The following USP7 variants were observed in gnomAD, a reference collection of about 807,000 sequenced individuals.
USP7 encodes the protein ubiquitin specific peptidase 7.
A neutral mutation model predicts 162.9 loss-of-function variants in USP7; 9 were observed. That is an observed-to-expected ratio of 0.06 (90% CI 0.03 to 0.10). The LOEUF (loss-of-function observed/expected upper bound fraction) is 0.10. Ranked by LOEUF, USP7 falls within the 10% of genes least tolerant of loss-of-function variation. The probability of loss-of-function intolerance (pLI) is 1.00; values close to 1 mark genes in which losing one functional copy is unlikely to be tolerated. For missense variants in USP7, 715 were observed against 1,373.7 expected (o/e 0.52, Z 7.58); for synonymous variants, 562 against 475.9 (o/e 1.18, Z -2.35).
intron 11 of USP7, 92 bp from the exon 12 acceptor site, chr16:8,908,542 G>T: frequency 9.4e-7 from 1 of 1,065,624 alleles, no homozygotes; most frequent in South Asian, 1.5e-5. Context: ...ATTGGAACAT[G>T]TCTGGAGACT....
intron 2 of USP7, among the ~76,000 whole-genome samples, chr16:8,923,771 C>T (rs1470486247): frequency 6.6e-6 from 1 of 152,176 alleles, no homozygotes; most frequent in Non-Finnish European, 1.5e-5. Context: ...TGGCTCATAT[C>T]TGTTCAAGGA....
At chr16:8,915,568 T>TAGTA (rs2062015113) in intron 8 of USP7, 43 bp from the exon 9 acceptor site, 1 of 1,509,076 alleles carries the variant, frequency 6.6e-7, no homozygotes, top group African/African-American at 1.4e-5. Context: ...TTTTTGTACT[T>TAGTA]AGTAATATAT....
chr16:8,914,199 C>T (rs571545677), intron 10 of USP7, among the ~76,000 whole-genome samples: 1 of 152,208 alleles, frequency 6.6e-6, no homozygotes, highest in Admixed American at 6.5e-5. Flanking sequence ...AACAACCTCA[C>T]TGATCTTCAA....
intron 1 of USP7, among the ~76,000 whole-genome samples, chr16:8,955,407 G>A (rs1047226859): frequency 5.3e-5 from 8 of 150,662 alleles, no homozygotes; most frequent in African/African-American, 1.9e-4. Flanking sequence ...ACCATGCCCA[G>A]GCTCACAAGC....
intron 2 of USP7, among the ~76,000 whole-genome samples, chr16:8,924,347 T>A (rs1023436635): frequency 6.6e-6 from 1 of 152,258 alleles, no homozygotes. Context: ...AAAGTCAACA[T>A]GCTACACAAG....
At chr16:8,900,959 T>C (rs1263494519) in intron 20 of USP7, 31 bp downstream of exon 20, 3 of 1,605,902 alleles carry the variant, frequency 1.9e-6, no homozygotes, top group Non-Finnish European at 2.6e-6. Context: ...ACTAAGAATA[T>C]ACTAATTATG....
At chr16:8,910,447 G>A (rs1178972265) in intron 11 of USP7, among the ~76,000 whole-genome samples, 1 of 152,182 alleles carries the variant, frequency 6.6e-6, no homozygotes, top group Non-Finnish European at 1.5e-5. Context: ...GAGAAACTGA[G>A]GGAAAACTGG....
intron 4 of USP7, 60 bp downstream of exon 4, chr16:8,921,097 G>C (rs1057500224): frequency 2.0e-5 from 31 of 1,542,206 alleles, no homozygotes; most frequent in Non-Finnish European, 2.5e-5. Flanking sequence ...AAATCAAAAA[G>C]TTAAGGGAAC....
intron 6 of USP7, among the ~76,000 whole-genome samples, chr16:8,918,181 C>T (rs1367940729): frequency 6.6e-6 from 1 of 152,146 alleles, no homozygotes; most frequent in African/African-American, 2.4e-5. Flanking sequence ...GCTGAGCTGT[C>T]CCTGGGATAT....
chr16:8,904,084 A>T (rs1435689236), intron 15 of USP7, among the ~76,000 whole-genome samples: 1 of 152,102 alleles, frequency 6.6e-6, no homozygotes, highest in Non-Finnish European at 1.5e-5. Flanking sequence ...TTTACTCCTG[A>T]ACTGGCTCTG....
At chr16:8,894,743 C>T (rs1304696780) in intron 29 of USP7, 41 bp downstream of exon 29, 6 of 1,613,932 alleles carry the variant, frequency 3.7e-6, no homozygotes, top group Admixed American at 3.3e-5. Context: ...AAGGCTTGAG[C>T]CTATGGCCCG....
At chr16:8,906,351 A>ACCTGTTCAG in intron 13 of USP7, 75 bp downstream of exon 13, 1 of 1,533,226 alleles carries the variant, frequency 6.5e-7, no homozygotes, top group East Asian at 2.3e-5. Context: ...CCGAGTAGGA[A>ACCTGTTCAG]CCAGAACAGG....
At chr16:8,894,759 C>A (rs2141157982) in intron 29 of USP7, 25 bp downstream of exon 29, 7 of 1,614,152 alleles carry the variant, frequency 4.3e-6, no homozygotes, top group Non-Finnish European at 5.9e-6. Flanking sequence ...GCCCGCCAAG[C>A]CCCCAGGAGG....
intron 16 of USP7, among the ~76,000 whole-genome samples, chr16:8,902,703 C>G (rs2061794849): frequency 6.6e-6 from 1 of 152,070 alleles, no homozygotes; most frequent in Admixed American, 6.6e-5. Context: ...GCCTGGCCAA[C>G]ATGGTGAACT....
At chr16:8,924,844 T>C (rs181015337) in intron 2 of USP7, among the ~76,000 whole-genome samples, 190 of 152,356 alleles carry the variant, frequency 1.2e-3, no homozygotes, top group African/African-American at 4.2e-3. Context: ...TCCCAAATTA[T>C]TTTATTTCAC....
intron 27 of USP7, 150 bp from the exon 28 acceptor site, chr16:8,895,300 C>A: frequency 7.9e-7 from 1 of 1,261,080 alleles, no homozygotes; most frequent in Non-Finnish European, 1.1e-6. Flanking sequence ...GAGTGATGGG[C>A]ACTCATGGGA....
intron 26 of USP7, among the ~76,000 whole-genome samples, chr16:8,896,634 G>A (rs746596833): frequency 3.3e-5 from 5 of 152,128 alleles, no homozygotes; most frequent in Non-Finnish European, 7.3e-5. Flanking sequence ...TCAGTTCATC[G>A]TTCAAATGGA....
chr16:8,906,697 A>G, intron 12 of USP7, 115 bp from the exon 13 acceptor site: 1 of 1,110,134 alleles, frequency 9.0e-7, no homozygotes, highest in East Asian at 2.6e-5. Context: ...ATAAGCATGA[A>G]TTGCCTTGGG....
chr16:8,952,083 C>T (rs200840623), intron 1 of USP7, among the ~76,000 whole-genome samples: 2 of 142,768 alleles, frequency 1.4e-5, no homozygotes, highest in African/African-American at 2.6e-5. Flanking sequence ...TAGACCCCCC[C>T]GTCTATACAA....
Sources: gnomAD v4.1 joint callset for allele counts (sites outside exome capture counted in the v4.1 genomes callset) on GRCh38, gnomAD v4.1.1 for gene constraint, MANE v1.5 for transcripts, NCBI Gene and HGNC (gene_info 2026-07-23, HGNC 2026-07-21) for gene names.